The following CCDC178 variants were observed in gnomAD, a reference collection of about 807,000 sequenced individuals.
CCDC178 encodes the protein coiled-coil domain-containing protein 178.
In CCDC178, 126 loss-of-function variants were observed where a neutral mutation model predicts 117.4. The observed-to-expected ratio is 1.07, with a 90% CI of 0.93 to 1.24. The LOEUF (loss-of-function observed/expected upper bound fraction) is 1.24. Among genes scored for constraint, CCDC178 ranks in the 50% most tolerant of loss-of-function variants. The pLI is 0.00. For missense variants in CCDC178, 1,030 were observed against 986.9 expected, an observed-to-expected ratio of 1.04 and a Z score of -0.59; for synonymous variants, 283 against 313.4, an observed-to-expected ratio of 0.90 and a Z score of 1.02.
chr18:33,039,486 A>G (rs1436781682), intron 21 of CCDC178, among the ~76,000 whole-genome samples: 3 of 152,060 alleles, frequency 2.0e-5, no homozygotes, highest in Non-Finnish European at 4.4e-5. Flanking sequence ...GGAGTGAAGC[A>G]TTGATCAGTG....
At chr18:33,270,639 CTA>C (rs2059876251) in intron 12 of CCDC178, among the ~76,000 whole-genome samples, 2 of 151,432 alleles carry the variant, frequency 1.3e-5, no homozygotes, top group Non-Finnish European at 3.0e-5. Context: ...TCAAGCAAAA[CTA>C]TAACTTAAAA....
At chr18:33,120,235 C>T (rs1396658098) in intron 20 of CCDC178, among the ~76,000 whole-genome samples, 1 of 151,868 alleles carries the variant, frequency 6.6e-6, no homozygotes, top group Non-Finnish European at 1.5e-5. Flanking sequence ...ATAACAGTTC[C>T]ACTGAATTAG....
At chr18:33,305,221 C>T (rs1419055403) in intron 11 of CCDC178, among the ~76,000 whole-genome samples, 1 of 152,192 alleles carries the variant, frequency 6.6e-6, no homozygotes, top group Non-Finnish European at 1.5e-5. Context: ...GGGTTTACAA[C>T]CGCATCTGCC....
intron 21 of CCDC178, among the ~76,000 whole-genome samples, chr18:33,020,764 C>CTT (rs796401533): frequency 6.7e-6 from 1 of 148,946 alleles, no homozygotes; most frequent in African/African-American, 2.5e-5. Flanking sequence ...GACAAACAAC[C>CTT]TTTTTTTTTT....
chr18:33,332,716 CA>C (rs1054104333), intron 10 of CCDC178, among the ~76,000 whole-genome samples: 1 of 152,034 alleles, frequency 6.6e-6, no homozygotes, highest in African/African-American at 2.4e-5. Flanking sequence ...AAGGGTCAAG[CA>C]AGCCTCCCAC....
At chr18:32,948,061 T>C (rs2054394804) in intron 22 of CCDC178, among the ~76,000 whole-genome samples, 1 of 152,160 alleles carries the variant, frequency 6.6e-6, no homozygotes, top group African/African-American at 2.4e-5. Flanking sequence ...CATCTATTGA[T>C]ATATTTTGAT....
intron 21 of CCDC178, among the ~76,000 whole-genome samples, chr18:33,018,191 A>T (rs2056034921): frequency 1.3e-5 from 2 of 152,070 alleles, no homozygotes; most frequent in Admixed American, 1.3e-4. Flanking sequence ...GATGCTAAAC[A>T]TTATTAGTCA....
At chr18:33,168,428 G>C (rs920871192) in intron 20 of CCDC178, among the ~76,000 whole-genome samples, 4 of 152,086 alleles carry the variant, frequency 2.6e-5, no homozygotes, top group African/African-American at 9.7e-5. Flanking sequence ...TCTCTATTCT[G>C]TTCCATTGGT....
chr18:32,953,924 C>T lies in CCDC178; in HGVS notation c.2524-15833G>A, dbSNP rs527727510. Among the ~76,000 whole-genome samples, 4 of 152,288 alleles carry T rather than the reference C, an allele frequency of 2.6e-5. No individual in the cohort carries two copies. In the East Asian group the frequency reaches 7.7e-4, roughly 29 times the overall value. On this transcript the variant is annotated intron_variant, in intron 22 of 22. Coordinates refer to ENST00000383096, the MANE Select transcript of CCDC178 (RefSeq NM_001105528.4). ...ATGTTAATGCATAAGCTTCCTTTCACATATATCTCATGACTTTTTGGATTC... is the reference window on the plus strand; with the variant it reads ...ATGTTAATGCATAAGCTTCCTTTCATATATATCTCATGACTTTTTGGATTC...
chr18:32,938,661 T>C (rs1277186812), intron 22 of CCDC178, among the ~76,000 whole-genome samples: 1 of 152,102 alleles, frequency 6.6e-6, no homozygotes, highest in Non-Finnish European at 1.5e-5. Flanking sequence ...GTAAAATGTG[T>C]GTATAAAATG....
At chr18:33,074,013 C>T (rs1382060254) in intron 21 of CCDC178, among the ~76,000 whole-genome samples, 1 of 151,908 alleles carries the variant, frequency 6.6e-6, no homozygotes, top group African/African-American at 2.4e-5. Context: ...GGGAATGAGG[C>T]TAGTGGTCAA....
intron 21 of CCDC178, among the ~76,000 whole-genome samples, chr18:33,043,671 G>T (rs552686210): frequency 4.1e-4 from 63 of 152,008 alleles, no homozygotes; most frequent in African/African-American, 1.5e-3. Context: ...AGTATCAAAT[G>T]CTCCAAGACA....
At chr18:33,143,923 A>G (rs1456838244) in intron 20 of CCDC178, among the ~76,000 whole-genome samples, 1 of 152,112 alleles carries the variant, frequency 6.6e-6, no homozygotes, top group African/African-American at 2.4e-5. Flanking sequence ...ATCTACTTAG[A>G]AATGCTTCTG....
intron 20 of CCDC178, among the ~76,000 whole-genome samples, chr18:33,143,399 C>G (rs1291623395): frequency 6.6e-6 from 1 of 152,106 alleles, no homozygotes; most frequent in African/African-American, 2.4e-5. Flanking sequence ...TACGTGTTCT[C>G]ATCACATTGT....
intron 21 of CCDC178, among the ~76,000 whole-genome samples, chr18:33,041,372 C>T (rs935522417): frequency 8.6e-5 from 13 of 151,188 alleles, no homozygotes; most frequent in African/African-American, 3.1e-4. Context: ...ATATACAAAG[C>T]AGACCACCAT....
chr18:33,332,545 C>A (rs12605288), intron 10 of CCDC178, among the ~76,000 whole-genome samples: 40,351 of 150,986 alleles, frequency 0.27, 5,705 homozygotes, highest in East Asian at 0.52. Flanking sequence ...TAAAAAAAAA[C>A]CCCACAATTT....
chr18:33,033,554 A>C (rs1342205999), intron 21 of CCDC178, among the ~76,000 whole-genome samples: 1 of 151,966 alleles, frequency 6.6e-6, no homozygotes, highest in Non-Finnish European at 1.5e-5. Flanking sequence ...CCCCTTTTTA[A>C]TTCACAAAAT....
At chr18:33,091,324 C>CTTTTTTTTTATTTT (rs2057459905) in intron 21 of CCDC178, among the ~76,000 whole-genome samples, 1 of 43,882 alleles carries the variant, frequency 2.3e-5, no homozygotes. Flanking sequence ...TTATTTCATT[C>CTTTTTTTTTATTTT]TTTTTTTTTT....
intron 14 of CCDC178, among the ~76,000 whole-genome samples, chr18:33,253,450 T>C (rs1568090835): frequency 6.6e-6 from 1 of 151,862 alleles, no homozygotes; most frequent in East Asian, 1.9e-4. Flanking sequence ...ACTAGACTTA[T>C]GAAATCAGTG....
Sources: gnomAD v4.1 joint callset for allele counts (sites outside exome capture counted in the v4.1 genomes callset) on GRCh38, gnomAD v4.1.1 for gene constraint, MANE v1.5 for transcripts, NCBI Gene and HGNC (gene_info 2026-07-23, HGNC 2026-07-21) for gene names.